The following MINK1 variants were observed in gnomAD, a reference collection of about 807,000 sequenced individuals.
MINK1 encodes misshapen like kinase 1.
MINK1 carries 46 observed loss-of-function variants against 178.4 expected under a neutral mutation model. That is an observed-to-expected ratio of 0.26 (90% CI 0.20 to 0.33). The LOEUF (loss-of-function observed/expected upper bound fraction) is 0.33, where lower values mean the gene tolerates loss of function less well. Among genes scored for constraint, MINK1 ranks in the 10% least tolerant of loss-of-function variants. MINK1 has a pLI of 1.00. For missense variants in MINK1, 1,366 were observed against 1,814.9 expected (o/e 0.75, Z 4.49); for synonymous variants, 797 against 709.7 (o/e 1.12, Z -1.96).
chr17:4,883,692 C>T (rs1189655747), intron 4 of MINK1, among the ~76,000 whole-genome samples: 4 of 149,106 alleles, frequency 2.7e-5, no homozygotes, highest in Admixed American at 6.7e-5. Context: ...CCACCACGCC[C>T]GGCTACTTTT....
chr17:4,891,200 G>GCGCACACACACACACACACACA (rs781594150), intron 15 of MINK1, 76 bp downstream of exon 15: 55 of 1,004,204 alleles, frequency 5.5e-5, no homozygotes, highest in Admixed American at 3.2e-4. Context: ...ACACACGCGC[G>GCGCACACACACACACACACACA]CACACACACA....
intron 1 of MINK1, among the ~76,000 whole-genome samples, chr17:4,865,672 C>G (rs1214044054): frequency 6.9e-6 from 1 of 145,858 alleles, no homozygotes; most frequent in Non-Finnish European, 1.5e-5. Flanking sequence ...CGCTTGAGCC[C>G]AGAAGTTCGA....
In MINK1 at chr17:4,890,661, C is replaced by A. The variant is rs759625981; in HGVS notation, c.1492C>A (p.Pro498Thr). The A allele has an allele frequency of 7.1e-6, 11 of 1,551,512 alleles. No homozygotes were observed. The highest frequency in any genetic ancestry group is 8.7e-6 in the Non-Finnish European group (10 of 1,147,358). The stretch of plus-strand genomic sequence containing the variant: ...GAAACAGCAGCAGCAGCAGCTCCTG[C>A]CTGGGGACAGGAAGCCCCTGTACCA... ...LQKQQQQQLL[P>T]GDRKPLYHYG... Residue 498 changes from proline (P) to threonine (T), a missense_variant, in exon 14 of 32, where the codon CCT becomes ACT. Pro to Thr is a conservative substitution (Grantham distance 38, BLOSUM62 -1). This residue lies in a region of MINK1 where 709 missense variants were observed against 692.3 expected (regional missense o/e 1.02). Coordinates refer to ENST00000355280, the MANE Select transcript of MINK1 (RefSeq NM_153827.5).
intron 1 of MINK1, chr17:4,857,154 G>T: frequency 3.7e-6 from 1 of 268,172 alleles, no homozygotes; most frequent in South Asian, 4.0e-5. Flanking sequence ...GTTGGCAGGG[G>T]GGACAGCCGC....
chr17:4,894,991 A>G lies in MINK1; in HGVS notation c.2918-84A>G. On this transcript the variant is annotated intron_variant, in intron 24 of 31. Coordinates refer to ENST00000355280, the MANE Select transcript of MINK1 (RefSeq NM_153827.5). This position sits in a 1 kb window ranked among gnomAD's most constrained non-coding sequence, Gnocchi z 4.1. ...TCCTTTCTGCGTATTATGAGGTGCC[A>G]AGACCTGATATAGGGGATGGAGGTA... The G allele has an allele frequency of 6.9e-7, 1 of 1,439,900 alleles. No individual in the cohort carries two copies. The highest frequency in any genetic ancestry group is 9.5e-7 in the Non-Finnish European group (1 of 1,049,252). 89.2% of individuals were successfully genotyped at this position (1,439,900 alleles called of 1,614,324 possible). A position where few individuals can be genotyped will look rare whatever the true frequency, so the allele number is the denominator to read the frequency against.
chr17:4,845,138 C>A (rs1458288202), intron 1 of MINK1, among the ~76,000 whole-genome samples: 1 of 152,170 alleles, frequency 6.6e-6, no homozygotes, highest in East Asian at 1.9e-4. Flanking sequence ...CGCCTAGGTG[C>A]ATGTCTCAGA....
At position 4,887,519 on chromosome 17, in the gene MINK1, G is replaced by A; in HGVS notation, c.1020-61G>A. The A allele has an allele frequency of 7.1e-7, 1 of 1,417,570 alleles. No individual in the cohort carries two copies. Among genetic ancestry groups the A allele is most frequent in the Non-Finnish European group, 9.4e-7 (1 of 1,067,942 alleles). 87.8% of individuals were successfully genotyped at this position (1,417,570 alleles called of 1,614,324 possible). A position where few individuals can be genotyped will look rare whatever the true frequency, so the allele number is the denominator to read the frequency against. ...GCACCCACTCAGGCGGGCCCACGGG[G>A]TTGAGAGTGGGAACCAACAGGGTTC... is the stretch of plus-strand genomic sequence containing the variant. On this transcript the variant is annotated intron_variant, in intron 11 of 31. Transcript: ENST00000355280. The surrounding 1 kb of genome is among the most constrained non-coding windows in gnomAD (Gnocchi z 7.6).
intron 1 of MINK1, among the ~76,000 whole-genome samples, chr17:4,874,576 A>G (rs1470940714): frequency 6.6e-6 from 1 of 152,170 alleles, no homozygotes; most frequent in Non-Finnish European, 1.5e-5. Context: ...CAAGCCAAGC[A>G]CATGTTGAAG....
At position 4,897,232 on chromosome 17, in the gene MINK1, G is replaced by A. The variant is rs1969639186; in HGVS notation, c.3944G>A (p.Gly1315Asp). The part of the protein sequence containing the change: ...KVFFASVRSG[G>D]SSQVYFMTLN... ...TTTTTTGCCTCAGTCCGCTCTGGGGGCAGCAGCCAAGTTTACTTCATGACT... is the reference window on the plus strand; with the variant it reads ...TTTTTTGCCTCAGTCCGCTCTGGGGACAGCAGCCAAGTTTACTTCATGACT... Residue 1315 changes from glycine (G) to aspartate (D), a missense_variant, in exon 32 of 32, where the codon GGC (glycine) becomes GAC (aspartate). Gly to Asp is a moderately conservative substitution (Grantham distance 94, BLOSUM62 -1). This residue lies in a region of MINK1 where 201 missense variants were observed against 240.7 expected (regional missense o/e 0.84). Transcript: ENST00000355280. 6.2e-7 allele frequency: 1 copy of A among 1,613,608 alleles called. No homozygotes were observed. Among genetic ancestry groups the A allele is most frequent in the Non-Finnish European group, 8.5e-7 (1 of 1,179,788 alleles).
At chr17:4,846,610 G>A (rs543447366) in intron 1 of MINK1, among the ~76,000 whole-genome samples, 46 of 152,262 alleles carry the variant, frequency 3.0e-4, no homozygotes, top group African/African-American at 8.4e-4. Context: ...CATCACCATC[G>A]CCAATACAAG....
At chr17:4,874,737 G>A (rs188037225) in intron 1 of MINK1, among the ~76,000 whole-genome samples, 33 of 152,224 alleles carry the variant, frequency 2.2e-4, no homozygotes, top group African/African-American at 7.9e-4. Context: ...AGAGTGCCAC[G>A]TGCGGGACCC....
intron 1 of MINK1, among the ~76,000 whole-genome samples, chr17:4,842,350 G>T (rs372184726): frequency 1.2e-4 from 18 of 152,270 alleles, no homozygotes; most frequent in African/African-American, 3.9e-4. Context: ...ATTGCCACTG[G>T]TACCTCTCAT....
intron 1 of MINK1, among the ~76,000 whole-genome samples, chr17:4,848,180 A>G (rs80274953): frequency 0.012 from 1,873 of 152,260 alleles, 28 homozygotes; most frequent in African/African-American, 0.039. Context: ...TCAGAACCAA[A>G]TGGGGATTGA....
At chr17:4,866,484 A>T (rs1914984612) in intron 1 of MINK1, among the ~76,000 whole-genome samples, 1 of 151,720 alleles carries the variant, frequency 6.6e-6, no homozygotes, top group Non-Finnish European at 1.5e-5. Flanking sequence ...AAAAAAAAAA[A>T]AATTTCTATC....
chr17:4,850,976 C>A (rs1489006118), intron 1 of MINK1: 1 of 458,046 alleles, frequency 2.2e-6, no homozygotes, highest in East Asian at 7.0e-5. Flanking sequence ...TTCCCAGGGA[C>A]TGGCCCTCCT....
intron 1 of MINK1, among the ~76,000 whole-genome samples, chr17:4,849,566 T>C (rs1911603851): frequency 2.0e-5 from 3 of 152,170 alleles, no homozygotes; most frequent in Admixed American, 2.0e-4. Flanking sequence ...CCCTGTGGTC[T>C]CAGCGTGTTT....
At chr17:4,877,543 C>G (rs1967293481) in intron 1 of MINK1, among the ~76,000 whole-genome samples, 1 of 152,190 alleles carries the variant, frequency 6.6e-6, no homozygotes, top group Admixed American at 6.5e-5. Flanking sequence ...CTGCTCCCTG[C>G]TAGCTTTCCT....
At chr17:4,863,496 C>G (rs1307937939) in intron 1 of MINK1, among the ~76,000 whole-genome samples, 1 of 152,040 alleles carries the variant, frequency 6.6e-6, no homozygotes, top group Non-Finnish European at 1.5e-5. Context: ...TAAACTGTTG[C>G]TGGGGCTAGA....
intron 1 of MINK1, chr17:4,859,415 A>C: frequency 1.1e-4 from 71 of 665,416 alleles, no homozygotes; most frequent in South Asian, 2.0e-4. Context: ...GTAACTTCTC[A>C]GGATGTTAAT....
Sources: allele counts gnomAD v4.1 joint callset (sites outside exome capture counted in the v4.1 genomes callset), GRCh38; gene constraint gnomAD v4.1.1; regional missense constraint gnomAD v4.1.1; non-coding constraint Gnocchi (gnomAD v3.1); transcripts MANE v1.5; gene names NCBI Gene and HGNC (gene_info 2026-07-23, HGNC 2026-07-21).